The following MUC4 variants were observed in gnomAD, a reference collection of about 807,000 sequenced individuals.
MUC4 encodes mucin-4.
In MUC4, 202 loss-of-function variants were observed where a neutral mutation model predicts 257.9. The ratio of observed to expected loss-of-function variants is 0.78; its 90% confidence interval spans 0.70 to 0.88. MUC4 has a LOEUF of 0.88. Among genes scored for constraint, MUC4 ranks in the 40% least tolerant of loss-of-function variants. The pLI is 0.00. For missense variants in MUC4, 5,976 were observed against 6,513.7 expected (o/e 0.92, Z 2.84); for synonymous variants, 2,351 against 2,757.1 (o/e 0.85, Z 4.62).
At chr3:195,805,989 G>C (rs1019703497) in intron 1 of MUC4, among the ~76,000 whole-genome samples, 6 of 124,096 alleles carry the variant, frequency 4.8e-5, no homozygotes, top group African/African-American at 1.1e-4. Context: ...GGTGGCATGT[G>C]CCTGTGATCC....
Position 195,784,906 on chromosome 3 carries a change from A to G in MUC4, c.6674T>C (p.Leu2225Pro), listed in dbSNP as rs755449736. Residue 2225 changes from leucine to proline, a missense_variant, in exon 2 of 25, where the codon CTT becomes CCT. This residue lies in a region of MUC4 where 85 missense variants were observed against 325.0 expected (regional missense o/e 0.26). Coordinates refer to ENST00000463781, the MANE Select transcript of MUC4 (RefSeq NM_018406.7). ...TGCTGAGGAAGTGTCGGTGACAAGA[A>G]GAGGGATGGCGTGACCTGTGGATGC... ...SSASTGHAIPLLVTDTSSAST... is the reference protein window; with the variant it reads ...SSASTGHAIPPLVTDTSSAST... 7.0e-7 allele frequency: 1 copy of G among 1,429,878 alleles called. No homozygotes were observed. The highest frequency in any genetic ancestry group is 9.5e-7 in the Non-Finnish European group (1 of 1,051,014). The allele number at this position is 1,429,878 out of a possible 1,614,324, so 88.6% of individuals were successfully genotyped here.
intron 17 of MUC4, among the ~76,000 whole-genome samples, chr3:195,758,919 C>T (rs906919490): frequency 1.3e-5 from 2 of 151,982 alleles, no homozygotes; most frequent in Admixed American, 6.6e-5. Flanking sequence ...CTGGCCAAAC[C>T]GCCGTAAGCC....
rs1229579705 is a variant in MUC4, at chr3:195,783,848, G to A, written c.7732C>T (p.Pro2578Ser). The stretch of plus-strand genomic sequence containing the variant: ...GATGCTGAGGAAGTGCTGGTGACAG[G>A]AAGAGGGGTGGCGTGACCTGTGGAT... ...AASTGHATPL[P>S]VTSTSSASTG... is the part of the protein sequence containing the mutation. The change falls in exon 2 of 25, where the codon CCT (proline) becomes TCT (serine). Residue 2578 changes from proline to serine, a missense_variant. Coordinates refer to ENST00000463781, the MANE Select transcript of MUC4 (RefSeq NM_018406.7). 6.0e-6 allele frequency: 9 copies of A among 1,508,710 alleles called. No homozygotes were observed. Among genetic ancestry groups the A allele is most frequent in the Admixed American group, 2.0e-5 (1 of 49,050 alleles). 93.5% of individuals were successfully genotyped at this position (1,508,710 alleles called of 1,614,324 possible). A position where few individuals can be genotyped will look rare whatever the true frequency, so the allele number is the denominator to read the frequency against.
intron 8 of MUC4, among the ~76,000 whole-genome samples, chr3:195,765,768 C>A (rs900009314): frequency 6.6e-6 from 1 of 152,238 alleles, no homozygotes; most frequent in African/African-American, 2.4e-5. Context: ...CCCATTGGGG[C>A]CTCTGGACTG....
At position 195,761,561 on chromosome 3, in the gene MUC4, T is replaced by C; in HGVS notation, c.14537A>G (p.Asp4846Gly). The change falls in exon 15 of 25, where the codon GAC becomes GGC. Residue 4846 changes from aspartate to glycine, a missense_variant. Coordinates refer to ENST00000463781, the MANE Select transcript of MUC4 (RefSeq NM_018406.7). ...GGAGCCATTGGGCATCCTGAAGTCG[T>C]CCTCTGGATTGTTATTCCAGACCCC... The part of the protein sequence containing the change: ...LLGVWNNNPE[D>G]DFRMPNGSTI... The C allele has an allele frequency of 6.2e-7, 1 of 1,614,098 alleles. No homozygotes were observed. Among genetic ancestry groups the C allele is most frequent in the South Asian group, 1.1e-5 (1 of 91,076 alleles).
chr3:195,767,711 TCGGC>T (rs1560263832), intron 7 of MUC4, among the ~76,000 whole-genome samples: 15 of 1,110 alleles, frequency 0.014, 1 homozygote, highest in South Asian at 0.033. Context: ...AATACCACCA[TCGGC>T]CACCACCACC....
chr3:195,770,137 G>C, intron 6 of MUC4, 79 bp downstream of exon 6: 1 of 1,357,772 alleles, frequency 7.4e-7, no homozygotes, highest in Middle Eastern at 2.6e-4. Flanking sequence ...AGAGGATTTT[G>C]GAAGAGTGGC....
In MUC4 at chr3:195,781,218, G is replaced by C. The variant is rs570866187; in HGVS notation, c.10362C>G (p.Thr3454=). Residue 3454 remains threonine, a synonymous_variant, in exon 2 of 25, where the codon ACC becomes ACG. Transcript: ENST00000463781. ...TSTSSASTGH[T]TPLPVTDTSS... is the part of the protein sequence containing the mutation. Reference sequence around the variant, plus strand: ...AAGTGTCGGTGACAGGAAGAGGGGTGGTGTGACCTGTAGATGCTGAGGAAG... The same window carrying C: ...AAGTGTCGGTGACAGGAAGAGGGGTCGTGTGACCTGTAGATGCTGAGGAAG... 8 of 1,406,322 alleles carry C rather than the reference G, an allele frequency of 5.7e-6. No homozygotes were observed. The East Asian group carries it at 1.4e-4, about 24-fold the overall frequency. 87.1% of individuals were successfully genotyped at this position (1,406,322 alleles called of 1,614,324 possible). A position where few individuals can be genotyped will look rare whatever the true frequency, so the allele number is the denominator to read the frequency against.
Position 195,767,703 on chromosome 3 carries a change from T to TCATC in MUC4, c.13530-953_13530-952insGATG, listed in dbSNP as rs1560263757. 1.6e-3 allele frequency among the ~76,000 whole-genome samples: 2 copies of TCATC among 1,214 alleles called. 1 individual carries two copies. The highest frequency in any genetic ancestry group is 3.6e-3 in the Non-Finnish European group (2 of 558). 0.8% of individuals were successfully genotyped at this position (1,214 alleles called of 152,430 possible). The stretch of plus-strand genomic sequence containing the variant: ...CCATCACTGGCCACCCCCCAAAAAA[T>TCATC]ACCACCATCGGCCACCACCACCATC... On this transcript the variant is annotated intron_variant, in intron 7 of 24. Transcript: ENST00000463781.
At position 195,780,500 on chromosome 3, in the gene MUC4, C is replaced by T. The variant is rs781334239; in HGVS notation, c.11080G>A (p.Ala3694Thr). 93 of 1,113,474 alleles carry T rather than the reference C, an allele frequency of 8.4e-5. 1 individual carries two copies. Among genetic ancestry groups the T allele is most frequent in the African/African-American group, 8.3e-4 (26 of 31,248 alleles). The allele number at this position is 1,113,474 out of a possible 1,614,324, so 69.0% of individuals were successfully genotyped here. A position where few individuals can be genotyped will look rare whatever the true frequency, so the allele number is the denominator to read the frequency against. The change falls in exon 2 of 25, where the codon GCC (alanine) becomes ACC (threonine). Residue 3694 changes from alanine to threonine, a missense_variant. By Grantham distance (58) the Ala-to-Thr change is moderately conservative (BLOSUM62 0). This residue lies in a region of MUC4 where 330 missense variants were observed against 262.0 expected (regional missense o/e 1.26). Coordinates refer to ENST00000463781, the MANE Select transcript of MUC4 (RefSeq NM_018406.7). The stretch of plus-strand genomic sequence containing the variant: ...GGGATGGTGACAGGAAGAGGGGTGG[C>T]CTGACCTGTGGATGCTGAGGAAGTG... ...TDTSSASTGQ[A>T]TPLPVTIPSS...
In MUC4 at chr3:195,779,308, GT is replaced by G; in HGVS notation, c.12271del (p.Thr4091ProfsTer168). On this transcript the variant is annotated frameshift_variant, in exon 2 of 25. Transcript: ENST00000463781. LOFTEE classifies it high-confidence loss of function. The part of the protein sequence containing the change: ...LPVTDASSAS[T>X]GHATPLPLTS... ...GAGAGGAAGAGGGGTGGCGTGACCG[GT>G]GGATGCTGAGGAAGCATCGGTGACA... 1 of 1,148,354 alleles carries G rather than the reference GT, an allele frequency of 8.7e-7. No individual in the cohort carries two copies. The highest frequency in any genetic ancestry group is 1.2e-6 in the Non-Finnish European group (1 of 842,480). The allele number at this position is 1,148,354 out of a possible 1,614,324, so 71.1% of individuals were successfully genotyped here.
rs766554290 is a variant in MUC4, at chr3:195,760,865, C to T, written c.14848+19G>A. 4.3e-6 allele frequency: 7 copies of T among 1,610,190 alleles called. No homozygotes were observed. The highest frequency in any genetic ancestry group is 1.8e-4 in the Middle Eastern group (1 of 5,502). ...GCTCCCGACTCTGAAAAGGCCTCCCCAGGCCTCGGGCCACTTACTGAGGGT... is the reference window on the plus strand; with the variant it reads ...GCTCCCGACTCTGAAAAGGCCTCCCTAGGCCTCGGGCCACTTACTGAGGGT... On this transcript the variant is annotated intron_variant, in intron 16 of 24. Transcript: ENST00000463781.
intron 24 of MUC4, among the ~76,000 whole-genome samples, chr3:195,747,863 A>C (rs1715380176): frequency 6.6e-6 from 1 of 152,392 alleles, no homozygotes; most frequent in East Asian, 1.9e-4. Flanking sequence ...TCCGTCTCAA[A>C]AAACAAAAAC....
At chr3:195,795,497 C>A (rs1462582877) in intron 1 of MUC4, among the ~76,000 whole-genome samples, 1 of 151,952 alleles carries the variant, frequency 6.6e-6, no homozygotes, top group Non-Finnish European at 1.5e-5. Flanking sequence ...TTTTCTAATG[C>A]AGAGGTGAGA....
chr3:195,748,804 T>A, intron 24 of MUC4, 98 bp downstream of exon 24: 1 of 1,397,732 alleles, frequency 7.2e-7, no homozygotes, highest in Non-Finnish European at 9.4e-7. Flanking sequence ...TGGTCTCTGA[T>A]CTCTCGAGCC....
At chr3:195,763,117 C>A (rs540776916) in intron 12 of MUC4, among the ~76,000 whole-genome samples, 172 bp from the exon 13 acceptor site, 8 of 152,378 alleles carry the variant, frequency 5.3e-5, no homozygotes, top group African/African-American at 1.9e-4. Flanking sequence ...CTCGGCAGGG[C>A]CAGGCATGGT....
chr3:195,757,625 A>C lies in MUC4; in HGVS notation c.14987-297T>G, dbSNP rs909490020. Among the ~76,000 whole-genome samples the C allele has an allele frequency of 6.6e-6, 1 of 152,102 alleles. No individual in the cohort carries two copies. The highest frequency in any genetic ancestry group is 1.5e-5 in the Non-Finnish European group (1 of 68,004). On this transcript the variant is annotated intron_variant, in intron 17 of 24. Transcript: ENST00000463781. This position sits in a 1 kb window ranked among gnomAD's most constrained non-coding sequence, Gnocchi z 4.8. The stretch of plus-strand genomic sequence containing the variant: ...CAGCCCTGGCTGGGCTCACACCAGG[A>C]TGGGACATCCTGGGGGATGGAGGAT...
chr3:195,774,109 C>G, intron 4 of MUC4, 63 bp downstream of exon 4: 1 of 1,505,866 alleles, frequency 6.6e-7, no homozygotes, highest in Non-Finnish European at 8.9e-7. Flanking sequence ...GGTTCCGTCT[C>G]GAAGCAGGAG....
Position 195,810,466 on chromosome 3 carries a change from TG to T in MUC4, c.82+1269del, listed in dbSNP as rs1355268671. 6.5e-6 allele frequency: 1 copy of T among 153,430 alleles called. No homozygotes were observed. Among genetic ancestry groups the T allele is most frequent in the Non-Finnish European group, 1.4e-5 (1 of 69,164 alleles). 9.5% of individuals were successfully genotyped at this position (153,430 alleles called of 1,614,324 possible). ...AGCCAGAGGGACAGCCTGGAAAGTG[TG>T]GGGAAGAGGACGGGGGCCCCCGAGG... On this transcript the variant is annotated intron_variant, in intron 1 of 24. Transcript: ENST00000463781. This position sits in a 1 kb window ranked among gnomAD's most constrained non-coding sequence, Gnocchi z 4.2.
Sources: allele counts gnomAD v4.1 joint callset (sites outside exome capture counted in the v4.1 genomes callset), GRCh38; gene constraint gnomAD v4.1.1; regional missense constraint gnomAD v4.1.1; non-coding constraint Gnocchi (gnomAD v3.1); transcripts MANE v1.5; gene names NCBI Gene and HGNC (gene_info 2026-07-23, HGNC 2026-07-21).